The following NDUFAF7 variants were observed in gnomAD, a reference collection of about 807,000 sequenced individuals.
NDUFAF7 encodes the protein NADH:ubiquinone oxidoreductase complex assembly factor 7.
In NDUFAF7, 48 loss-of-function variants were observed where a neutral mutation model predicts 47.2. The observed-to-expected ratio is 1.02, with a 90% CI of 0.81 to 1.29. The LOEUF (loss-of-function observed/expected upper bound fraction) is 1.29. Among genes scored for constraint, NDUFAF7 ranks in the 50% most tolerant of loss-of-function variants. The probability of loss-of-function intolerance (pLI) is 0.00; values close to 1 mark genes in which losing one functional copy is unlikely to be tolerated. For missense variants in NDUFAF7, 635 were observed against 537.6 expected (o/e 1.18, Z -1.79); for synonymous variants, 217 against 190.0 (o/e 1.14, Z -1.17).
intron 9 of NDUFAF7, among the ~76,000 whole-genome samples, 176 bp downstream of exon 9, chr2:37,247,805 T>C (rs1010858484): frequency 6.6e-6 from 1 of 152,194 alleles, no homozygotes; most frequent in African/African-American, 2.4e-5. Flanking sequence ...TGCATCTCCA[T>C]GGGAGGTAGC....
chr2:37,270,060 T>C, the NDUFAF7 span, among the ~76,000 whole-genome samples: 3 of 152,040 alleles, frequency 2.0e-5, no homozygotes, highest in Non-Finnish European at 4.4e-5. Flanking sequence ...AAACCCCATC[T>C]CTACTAAAAA....
chr2:37,260,386 T>C, the NDUFAF7 span: 1 of 1,608,874 alleles, frequency 6.2e-7, no homozygotes, highest in Non-Finnish European at 8.5e-7. Context: ...GTGCAAATTC[T>C]GAAGAGAGGT....
the NDUFAF7 span, among the ~76,000 whole-genome samples, chr2:37,260,045 A>T: frequency 6.6e-6 from 1 of 152,064 alleles, no homozygotes; most frequent in African/African-American, 2.4e-5. Flanking sequence ...CACATCTGCA[A>T]TCCTAGATAC....
chr2:37,260,069 G>A, the NDUFAF7 span, among the ~76,000 whole-genome samples: 1 of 151,990 alleles, frequency 6.6e-6, no homozygotes, highest in Non-Finnish European at 1.5e-5. Context: ...GGAGGCTGAG[G>A]CATGAGAATC....
the NDUFAF7 span, chr2:37,269,712 G>A: frequency 2.0e-6 from 3 of 1,512,938 alleles, no homozygotes; most frequent in Non-Finnish European, 2.7e-6. Context: ...TAAGGAGTTA[G>A]TATTATTTAT....
At chr2:37,253,423 T>G (rs1667674281), downstream of NDUFAF7, 1 of 1,367,904 alleles carries the variant, frequency 7.3e-7, no homozygotes, top group Non-Finnish European at 9.9e-7. Context: ...TGTTTTGTGT[T>G]TTTTTTTGTT....
At chr2:37,241,819 A>C (rs1196138700) in intron 5 of NDUFAF7, 28 bp downstream of exon 5, 1 of 1,596,012 alleles carries the variant, frequency 6.3e-7, no homozygotes. Context: ...GATTAATGAA[A>C]GAATTTTGAT....
At chr2:37,253,510 T>C (rs1558517814), downstream of NDUFAF7, 1 of 486,530 alleles carries the variant, frequency 2.1e-6, no homozygotes, top group Non-Finnish European at 3.4e-6. Context: ...CTACTTGTGA[T>C]ATTTTAAATG....
downstream of NDUFAF7, chr2:37,252,839 A>ATTTATATT (rs1558516084): frequency 5.1e-5 from 5 of 98,864 alleles, no homozygotes; most frequent in African/African-American, 1.7e-4. Flanking sequence ...ACAAACATAT[A>ATTTATATT]TTTATATTTA....
At chr2:37,260,583 C>T in the NDUFAF7 span, among the ~76,000 whole-genome samples, 1 of 152,158 alleles carries the variant, frequency 6.6e-6, no homozygotes, top group African/African-American at 2.4e-5. Flanking sequence ...AGTAGCCGCA[C>T]TGAGGGGATA....
chr2:37,260,084 G>C, the NDUFAF7 span: 11 of 734,382 alleles, frequency 1.5e-5, no homozygotes. Flanking sequence ...AGAATCACTT[G>C]AATCCAGGAG....
intron 4 of NDUFAF7, among the ~76,000 whole-genome samples, chr2:37,239,593 C>A (rs1241726191): frequency 6.6e-6 from 1 of 152,142 alleles, no homozygotes; most frequent in Non-Finnish European, 1.5e-5. Context: ...CGGAAAATAA[C>A]AGCACAAATG....
downstream of NDUFAF7, among the ~76,000 whole-genome samples, chr2:37,249,592 CACACACACACAG>C (rs1667300796): frequency 8.2e-6 from 1 of 122,596 alleles, no homozygotes; most frequent in African/African-American, 3.4e-5. Flanking sequence ...CACACACACA[CACACACACACAG>C]AGGGGAGATC....
intron 2 of NDUFAF7, 106 bp from the exon 3 acceptor site, chr2:37,235,990 A>T: frequency 1.0e-6 from 1 of 1,000,642 alleles, no homozygotes; most frequent in Non-Finnish European, 1.6e-6. Context: ...GAACTTTCTT[A>T]CTAAATAATT....
intron 5 of NDUFAF7, 135 bp downstream of exon 5, chr2:37,241,926 A>C (rs1419299381): frequency 7.0e-6 from 5 of 714,764 alleles, no homozygotes; most frequent in African/African-American, 1.8e-5. Context: ...AGAGTAGCCT[A>C]CTTTTTTCTA....
intron 1 of NDUFAF7, 40 bp from the exon 2 acceptor site, chr2:37,232,066 A>G (rs200137973): frequency 1.9e-6 from 3 of 1,614,078 alleles, no homozygotes; most frequent in East Asian, 4.5e-5. Context: ...GTGAATGGTC[A>G]GATTTATCAT....
intron 5 of NDUFAF7, 158 bp from the exon 6 acceptor site, chr2:37,242,477 G>A (rs1283901319): frequency 5.0e-6 from 3 of 604,278 alleles, no homozygotes; most frequent in African/African-American, 1.9e-5. Flanking sequence ...AGTAATAATT[G>A]TTCTATGTTC....
chr2:37,261,443 T>TGC, the NDUFAF7 span, among the ~76,000 whole-genome samples: 66 of 146,540 alleles, frequency 4.5e-4, no homozygotes, highest in African/African-American at 1.6e-3. Context: ...GCCGAGATCA[T>TGC]GCCATTGCAC....
the NDUFAF7 span, chr2:37,260,337 G>T: frequency 6.2e-7 from 1 of 1,611,122 alleles, no homozygotes; most frequent in South Asian, 1.1e-5. Flanking sequence ...CTCGTTCTGG[G>T]GTTTCAAACA....
Sources: gnomAD v4.1 joint callset for allele counts (sites outside exome capture counted in the v4.1 genomes callset) on GRCh38, gnomAD v4.1.1 for gene constraint, MANE v1.5 for transcripts, NCBI Gene and HGNC (gene_info 2026-07-23, HGNC 2026-07-21) for gene names.